Variants in TBX18 observed in about 807,000 individuals in gnomAD.
TBX18 encodes T-box transcription factor 18.
A neutral mutation model predicts 55.0 loss-of-function variants in TBX18; 21 were observed. That is an observed-to-expected ratio of 0.38 (90% CI 0.27 to 0.55). The LOEUF (loss-of-function observed/expected upper bound fraction) is 0.55, where lower values mean the gene tolerates loss of function less well. Ranked by LOEUF, TBX18 falls within the 20% of genes least tolerant of loss-of-function variation. The pLI is 0.73. For missense variants in TBX18, 840 were observed against 799.6 expected (o/e 1.05, Z -0.61); for synonymous variants, 342 against 326.1 (o/e 1.05, Z -0.53).
rs531201203 is a variant in TBX18, at chr6:84,738,396, G to A, written c.1099+101C>T. Reference sequence around the variant, plus strand: ...TCTGTAGGACAATGCTGGTGATGAGGTCATTATTGTAAGTATAAATAATGA... The same window carrying A: ...TCTGTAGGACAATGCTGGTGATGAGATCATTATTGTAAGTATAAATAATGA... On this transcript the variant is annotated intron_variant, in intron 7 of 7. Coordinates refer to ENST00000369663, the MANE Select transcript of TBX18 (RefSeq NM_001080508.3). 17 of 917,654 alleles carry A rather than the reference G, an allele frequency of 1.9e-5. No homozygotes were observed. The East Asian group carries it at 3.6e-4, about 20-fold the overall frequency. 56.8% of individuals were successfully genotyped at this position (917,654 alleles called of 1,614,324 possible). A position where few individuals can be genotyped will look rare whatever the true frequency, so the allele number is the denominator to read the frequency against.
chr6:84,736,770 C>G lies in TBX18; in HGVS notation c.1739G>C (p.Ser580Thr). 1 of 1,613,946 alleles carries G rather than the reference C, an allele frequency of 6.2e-7. No homozygotes were observed. The highest frequency in any genetic ancestry group is 8.5e-7 in the Non-Finnish European group (1 of 1,179,910). The change falls in exon 8 of 8, where the codon AGT (serine) becomes ACT (threonine). Residue 580 changes from serine to threonine, a missense_variant. Coordinates refer to ENST00000369663, the MANE Select transcript of TBX18 (RefSeq NM_001080508.3). ...GTCAAAGAAACTCTGCTGACCCCCA[C>G]TGCTAAGCAGGTGCACTCCTTCCAC... ...PPVEGVHLLSSGGQQSFFDSR... is the reference protein window; with the variant it reads ...PPVEGVHLLSTGGQQSFFDSR...
At chr6:84,741,506 A>T (rs927428281) in intron 6 of TBX18, 2 of 152,212 alleles carry the variant, frequency 1.3e-5, no homozygotes. Context: ...AGAGCTTTTA[A>T]GGGCCGAAGC....
intron 5 of TBX18, 28 bp downstream of exon 5, chr6:84,747,892 A>G (rs2127875606): frequency 6.3e-7 from 1 of 1,586,434 alleles, no homozygotes; most frequent in East Asian, 2.3e-5. Flanking sequence ...TGAAAAATCT[A>G]CAAAGATTCC....
chr6:84,760,506 G>A, intron 2 of TBX18, 150 bp from the exon 3 acceptor site: 1 of 538,338 alleles, frequency 1.9e-6, no homozygotes, highest in Middle Eastern at 3.0e-4. Context: ...CAAGGAGTCA[G>A]GACATAGAAC....
chr6:84,738,229 C>T (rs1213030310), intron 7 of TBX18, among the ~76,000 whole-genome samples: 1 of 152,048 alleles, frequency 6.6e-6, no homozygotes, highest in African/African-American at 2.4e-5. Flanking sequence ...CATCAGAGCA[C>T]CTCTAATTTT....
Position 84,733,671 on chromosome 6 carries a change from C to A in TBX18, c.*3014G>T, listed in dbSNP as rs1444772379. 3 of 152,200 alleles carry A rather than the reference C, an allele frequency of 2.0e-5. No individual in the cohort carries two copies. Among genetic ancestry groups the A allele is most frequent in the African/African-American group, 7.2e-5 (3 of 41,454 alleles). 9.4% of individuals were successfully genotyped at this position (152,200 alleles called of 1,614,324 possible). On this transcript the variant is annotated 3_prime_UTR_variant, in exon 8 of 8. Coordinates refer to ENST00000369663, the MANE Select transcript of TBX18 (RefSeq NM_001080508.3). The stretch of plus-strand genomic sequence containing the variant: ...CCCATACAAATCTTCCCAGAATTGT[C>A]CTGCTACAAAAATTACTTTTTCCTC...
chr6:84,759,807 A>G (rs1035031148), intron 3 of TBX18, among the ~76,000 whole-genome samples: 13 of 152,080 alleles, frequency 8.5e-5, no homozygotes, highest in African/African-American at 3.1e-4. Flanking sequence ...AATTAAAAAA[A>G]AAGCCTACAA....
In TBX18 at chr6:84,748,082, A is replaced by G; in HGVS notation, c.777T>C (p.Ile259=). Residue 259 remains isoleucine (I), a synonymous_variant, in exon 5 of 8, where the codon ATT becomes ATC. Transcript: ENST00000369663. ...NNELDDQGHI[I]LHSMHKYQPR... ...GTTGGTATTTGTGCATAGAATGAAG[A>G]ATAATCTATATCAAAGAAGGAAAAG... 2 of 1,604,280 alleles carry G rather than the reference A, an allele frequency of 1.2e-6. No homozygotes were observed. Among genetic ancestry groups the G allele is most frequent in the African/African-American group, 1.3e-5 (1 of 74,880 alleles).
At chr6:84,762,811 A>G in intron 1 of TBX18, 63 bp from the exon 2 acceptor site, 1 of 1,494,088 alleles carries the variant, frequency 6.7e-7, no homozygotes, top group South Asian at 1.2e-5. Context: ...CCAGCCGCGG[A>G]GACGGGCCCA....
chr6:84,750,251 C>T (rs963915010), intron 4 of TBX18, among the ~76,000 whole-genome samples: 2 of 148,806 alleles, frequency 1.3e-5, no homozygotes, highest in Non-Finnish European at 3.0e-5. Context: ...TGCCACTGCA[C>T]TCCAGCCTGG....
intron 6 of TBX18, among the ~76,000 whole-genome samples, chr6:84,743,142 T>C (rs974192092): frequency 2.0e-5 from 3 of 152,208 alleles, no homozygotes; most frequent in African/African-American, 7.2e-5. Context: ...GAAGCCCTGC[T>C]ATTAGTCTTC....
chr6:84,753,714 T>C (rs1161087591), intron 4 of TBX18, among the ~76,000 whole-genome samples: 1 of 152,160 alleles, frequency 6.6e-6, no homozygotes, highest in Non-Finnish European at 1.5e-5. Context: ...CAGAAACAAA[T>C]TCCTAATATT....
At chr6:84,756,968 T>A (rs1582083018) in intron 3 of TBX18, 99 bp from the exon 4 acceptor site, 1 of 1,191,744 alleles carries the variant, frequency 8.4e-7, no homozygotes, top group Non-Finnish European at 1.2e-6. Flanking sequence ...GTTTCAGTTT[T>A]AAAATAAATC....
At position 84,737,411 on chromosome 6, in the gene TBX18, T is replaced by C; in HGVS notation, c.1100-2A>G. 6.6e-7 allele frequency: 1 copy of C among 1,507,240 alleles called. No homozygotes were observed. Among genetic ancestry groups the C allele is most frequent in the Non-Finnish European group, 8.9e-7 (1 of 1,127,806 alleles). The allele number at this position is 1,507,240 out of a possible 1,614,324, so 93.4% of individuals were successfully genotyped here. A position where few individuals can be genotyped will look rare whatever the true frequency, so the allele number is the denominator to read the frequency against. On this transcript the variant is annotated splice_acceptor_variant, in intron 7 of 7. Coordinates refer to ENST00000369663, the MANE Select transcript of TBX18 (RefSeq NM_001080508.3). LOFTEE classifies it high-confidence loss of function. ...GCAAGGTGGAGGAACTTGCATTGCC[T>C]ACAAAAGAAGTTGAAATGTAAAGAA...
rs1767742824 is a variant in TBX18 at position 84,764,009 on chromosome 6, C to T, written c.173G>A (p.Gly58Asp). The T allele has an allele frequency of 6.4e-7, 1 of 1,558,782 alleles. No homozygotes were observed. Among genetic ancestry groups the T allele is most frequent in the Non-Finnish European group, 8.6e-7 (1 of 1,156,148 alleles). ...GAVDDGGCSR[G>D]GGAGEKGSSE... ...AGAACCCTTTTCGCCCGCGCCGCCG[C>T]CGCGGCTGCAGCCTCCGTCGTCCAC... The change falls in exon 1 of 8, where the codon GGC becomes GAC. Residue 58 changes from glycine (G) to aspartate (D), a missense_variant. Transcript: ENST00000369663.
intron 6 of TBX18, chr6:84,741,262 T>G (rs1767041370): frequency 6.6e-6 from 1 of 152,194 alleles, no homozygotes; most frequent in African/African-American, 2.4e-5. Context: ...AGGCGATAAT[T>G]TATACAAGAT....
Position 84,763,979 on chromosome 6 carries a change from T to C in TBX18, c.203A>G (p.Glu68Gly). The C allele has an allele frequency of 6.3e-7, 1 of 1,582,106 alleles. No individual in the cohort carries two copies. The highest frequency in any genetic ancestry group is 8.5e-7 in the Non-Finnish European group (1 of 1,169,756). The change falls in exon 1 of 8, where the codon GAG (glutamate) becomes GGG (glycine). Residue 68 changes from glutamate (E) to glycine (G), a missense_variant. By Grantham distance (98) the Glu-to-Gly change is moderately conservative. Coordinates refer to ENST00000369663, the MANE Select transcript of TBX18 (RefSeq NM_001080508.3). ...GGGAGEKGSS[E>G]GDEGAALPPP... ...CGGGAGCGCAGCGCCTTCGTCTCCC[T>C]CAGAAGAACCCTTTTCGCCCGCGCC... is the stretch of plus-strand genomic sequence containing the variant.
chr6:84,754,287 C>A (rs1397142252), intron 4 of TBX18, among the ~76,000 whole-genome samples: 3 of 152,202 alleles, frequency 2.0e-5, no homozygotes, highest in Non-Finnish European at 4.4e-5. Context: ...TCCGAAGTAT[C>A]TTTTCTAAAT....
intron 3 of TBX18, 45 bp from the exon 4 acceptor site, chr6:84,756,914 G>A (rs770027252): frequency 4.4e-5 from 69 of 1,576,196 alleles, no homozygotes; most frequent in African/African-American, 1.6e-4. Context: ...TTTTATCTTG[G>A]CATGTCCAAC....
Sources: allele counts gnomAD v4.1 joint callset (sites outside exome capture counted in the v4.1 genomes callset), GRCh38; gene constraint gnomAD v4.1.1; transcripts MANE v1.5; gene names NCBI Gene and HGNC (gene_info 2026-07-23, HGNC 2026-07-21).